DST: variants seen among roughly 807,000 people sequenced by gnomAD.
DST encodes bullous pemphigoid antigen.
DST carries 253 observed loss-of-function variants against 875.2 expected under a neutral mutation model. The observed-to-expected ratio is 0.29, with a 90% CI of 0.26 to 0.32. The LOEUF is 0.32. DST is among the 10% of genes least tolerant of loss of function. DST has a pLI of 1.00. For synonymous variants in DST, 3,124 were observed against 3,197.1 expected, an observed-to-expected ratio of 0.98 and a Z score of 0.77; for missense variants, 8,287 against 9,111.6, an observed-to-expected ratio of 0.91 and a Z score of 3.68.
Position 56,552,183 on chromosome 6 carries a change from C to T in DST, c.16608+1G>A, listed in dbSNP as rs748746313. 1 of 1,600,728 alleles carries T rather than the reference C, an allele frequency of 6.2e-7. No homozygotes were observed. Among genetic ancestry groups the T allele is most frequent in the Non-Finnish European group, 8.5e-7 (1 of 1,173,946 alleles). Reference sequence around the variant, plus strand: ...CTGGGTAAAAATGAAGAGTTCCCTACCTTGAACATGTTAAGCTGCTGATTA... The same window carrying T: ...CTGGGTAAAAATGAAGAGTTCCCTATCTTGAACATGTTAAGCTGCTGATTA... On this transcript the variant is annotated splice_donor_variant, in intron 61 of 103. Transcript: ENST00000680361. LOFTEE classifies it high-confidence loss of function.
chr6:56,851,352 G>T, intron 4 of DST, 45 bp downstream of exon 4: 3 of 1,567,404 alleles, frequency 1.9e-6, no homozygotes, highest in Middle Eastern at 2.3e-4. Context: ...GCGAATTTCC[G>T]CAACTCTCTT....
chr6:56,734,660 T>C (rs1368479199), intron 5 of DST, among the ~76,000 whole-genome samples: 2 of 152,228 alleles, frequency 1.3e-5, no homozygotes, highest in African/African-American at 4.8e-5. Context: ...CTGGATAGTT[T>C]ATATTCTCAA....
chr6:56,833,245 T>C (rs2099789532), intron 4 of DST, among the ~76,000 whole-genome samples: 2 of 152,232 alleles, frequency 1.3e-5, no homozygotes, highest in South Asian at 4.1e-4. Flanking sequence ...ACTCAACTCA[T>C]GTTTTTAAAA....
chr6:56,831,304 T>C (rs2099786659), intron 4 of DST, among the ~76,000 whole-genome samples: 1 of 152,234 alleles, frequency 6.6e-6, no homozygotes, highest in African/African-American at 2.4e-5. Flanking sequence ...ACACCGGTTA[T>C]GTATAAGCAA....
rs2152611387 is a variant in DST at position 56,572,286 on chromosome 6, T to A, written c.13555-20A>T. On this transcript the variant is annotated intron_variant, in intron 52 of 103. Transcript: ENST00000680361. The stretch of plus-strand genomic sequence containing the variant: ...TGATTCCTACAAAGCATTAAGATAT[T>A]CAGTCAATATAAATGTTGCTAGATC... 6.6e-7 allele frequency: 1 copy of A among 1,513,532 alleles called. No individual in the cohort carries two copies. Among genetic ancestry groups the A allele is most frequent in the Admixed American group, 2.0e-5 (1 of 50,382 alleles). 93.8% of individuals were successfully genotyped at this position (1,513,532 alleles called of 1,614,324 possible).
intron 2 of DST, among the ~76,000 whole-genome samples, chr6:56,919,170 C>T (rs1287490255): frequency 6.6e-6 from 1 of 152,014 alleles, no homozygotes; most frequent in Non-Finnish European, 1.5e-5. Context: ...TCTGTCTTTT[C>T]ATTTTGTTGT....
At chr6:56,884,130 CAA>C (rs879402274) in intron 3 of DST, among the ~76,000 whole-genome samples, 1 of 142,692 alleles carries the variant, frequency 7.0e-6, no homozygotes. Flanking sequence ...GAACTTATCT[CAA>C]AAAAAAAAAA....
intron 4 of DST, among the ~76,000 whole-genome samples, chr6:56,827,850 A>G (rs1481881432): frequency 6.6e-6 from 1 of 152,166 alleles, no homozygotes; most frequent in East Asian, 1.9e-4. Context: ...CCATTCATCT[A>G]AAAGCTTCTG....
intron 5 of DST, among the ~76,000 whole-genome samples, chr6:56,729,962 A>G (rs961435989): frequency 6.6e-6 from 1 of 152,216 alleles, no homozygotes; most frequent in Admixed American, 6.5e-5. Flanking sequence ...TAGATGACTA[A>G]CAAACAGAGT....
In DST at chr6:56,572,790, T is replaced by C. The variant is rs368861406; in HGVS notation, c.13511A>G (p.Asp4504Gly). Reference sequence around the variant, plus strand: ...TTCAGTAACATCTTTTCCTGGCACATCTACTTCAGTAAGAGCCTGAGTTTT... The same window carrying C: ...TTCAGTAACATCTTTTCCTGGCACACCTACTTCAGTAAGAGCCTGAGTTTT... ...ETKTQALTEVDVPGKDVTELS... is the reference protein window; with the variant it reads ...ETKTQALTEVGVPGKDVTELS... The change falls in exon 52 of 104, where the codon GAT becomes GGT. Residue 4504 changes from aspartate to glycine, a missense_variant. Around this residue, in one of 10 missense-constraint regions of DST, gnomAD observed 1,513 missense variants for 1,677.8 expected, o/e 0.90. Coordinates refer to ENST00000680361, the MANE Select transcript of DST (RefSeq NM_001374736.1). The C allele has an allele frequency of 2.6e-5, 42 of 1,607,816 alleles. No individual in the cohort carries two copies. Among genetic ancestry groups the C allele is most frequent in the Non-Finnish European group, 3.6e-5 (42 of 1,177,716 alleles).
intron 81 of DST, 42 bp downstream of exon 81, chr6:56,497,814 T>G (rs1562374910): frequency 6.6e-7 from 1 of 1,519,860 alleles, no homozygotes; most frequent in Non-Finnish European, 8.8e-7. Context: ...TATTTTGGTC[T>G]TGAATGCTAT....
chr6:56,662,682 G>A (rs188130880), intron 10 of DST, among the ~76,000 whole-genome samples: 83 of 152,318 alleles, frequency 5.4e-4, no homozygotes, highest in African/African-American at 1.9e-3. Flanking sequence ...GCTGATGCCT[G>A]TAATCCCAGC....
In DST at chr6:56,506,706, C is replaced by A. The variant is rs2096327034; in HGVS notation, c.19323G>T (p.Gly6441=). 6.2e-7 allele frequency: 1 copy of A among 1,613,494 alleles called. No individual in the cohort carries two copies. The highest frequency in any genetic ancestry group is 8.5e-7 in the Non-Finnish European group (1 of 1,179,698). The change falls in exon 76 of 104, where the codon GGG becomes GGT. Residue 6441 remains glycine, a synonymous_variant. Transcript: ENST00000680361. ...NLGSELIAAC[G]EPDKPIVKKS... ...TCTTGACAATGGGTTTATCAGGCTC[C>A]CCACATGCCGCAATGAGTTCAGAAC... is the stretch of plus-strand genomic sequence containing the variant.
At chr6:56,716,904 G>A (rs536395001) in intron 5 of DST, among the ~76,000 whole-genome samples, 14 of 152,196 alleles carry the variant, frequency 9.2e-5, no homozygotes, top group African/African-American at 2.2e-4. Context: ...GCAACCGACC[G>A]GGTGCGGTGG....
intron 3 of DST, among the ~76,000 whole-genome samples, chr6:56,883,683 A>G (rs1479584035): frequency 1.3e-5 from 2 of 152,210 alleles, no homozygotes; most frequent in Non-Finnish European, 2.9e-5. Flanking sequence ...GTAAAACTAT[A>G]GAGAACTGCC....
At chr6:56,827,787 G>A (rs912399640) in intron 4 of DST, among the ~76,000 whole-genome samples, 2 of 152,168 alleles carry the variant, frequency 1.3e-5, no homozygotes, top group Admixed American at 1.3e-4. Context: ...GAGTTGGGGG[G>A]AATGTAAAAT....
chr6:56,946,977 A>G (rs983586601), intron 2 of DST, among the ~76,000 whole-genome samples: 3 of 152,206 alleles, frequency 2.0e-5, no homozygotes, highest in African/African-American at 7.2e-5. Flanking sequence ...TGACCACACT[A>G]AACACATGAG....
intron 33 of DST, 65 bp from the exon 34 acceptor site, chr6:56,627,352 C>T (rs1384219338): frequency 5.6e-5 from 61 of 1,099,004 alleles, no homozygotes; most frequent in Non-Finnish European, 7.7e-5. Flanking sequence ...ACATAAGATG[C>T]TCAGTAACTA....
chr6:56,814,976 A>AGG (rs1451937430), intron 4 of DST, among the ~76,000 whole-genome samples: 3 of 152,140 alleles, frequency 2.0e-5, no homozygotes, highest in African/African-American at 7.2e-5. Flanking sequence ...GTGAGACATG[A>AGG]GGGGGCAAAG....
Sources: allele counts gnomAD v4.1 joint callset (sites outside exome capture counted in the v4.1 genomes callset), GRCh38; gene constraint gnomAD v4.1.1; regional missense constraint gnomAD v4.1.1; transcripts MANE v1.5; gene names NCBI Gene and HGNC (gene_info 2026-07-23, HGNC 2026-07-21).